KCNJ6: variants seen among roughly 807,000 people sequenced by gnomAD.
KCNJ6 encodes G protein-activated inward rectifier potassium channel 2.
KCNJ6 carries 9 observed loss-of-function variants against 34.2 expected under a neutral mutation model. The observed-to-expected ratio is 0.26, with a 90% CI of 0.16 to 0.46. KCNJ6 has a LOEUF of 0.46. Among genes scored for constraint, KCNJ6 ranks in the 20% least tolerant of loss-of-function variants. KCNJ6 has a pLI of 1.00. For synonymous variants in KCNJ6, 196 were observed against 207.1 expected (o/e 0.95, Z 0.46); for missense variants, 236 against 531.3 (o/e 0.44, Z 5.46).
chr21:37,658,625 C>G (rs2123395780), intron 3 of KCNJ6, among the ~76,000 whole-genome samples: 1 of 152,302 alleles, frequency 6.6e-6, no homozygotes, highest in East Asian at 1.9e-4. Flanking sequence ...ATACTTTGCT[C>G]ACTCTCCCAA....
intron 1 of KCNJ6, among the ~76,000 whole-genome samples, chr21:37,900,647 A>G (rs2055812423): frequency 6.6e-6 from 1 of 152,134 alleles, no homozygotes; most frequent in South Asian, 2.1e-4. Context: ...GCTTGCTGAG[A>G]AGGGGCAATT....
chr21:37,689,376 A>G (rs999322368), intron 3 of KCNJ6, among the ~76,000 whole-genome samples: 3 of 152,178 alleles, frequency 2.0e-5, no homozygotes, highest in African/African-American at 7.2e-5. Flanking sequence ...TAAGCAAAGT[A>G]TATTTTCTTT....
intron 2 of KCNJ6, among the ~76,000 whole-genome samples, chr21:37,720,740 GC>G (rs1478954356): frequency 3.5e-5 from 5 of 143,716 alleles, no homozygotes. Context: ...TCGCTCTGTC[GC>G]CCAGGCCGGA....
At chr21:37,759,431 C>T (rs931089782) in intron 2 of KCNJ6, among the ~76,000 whole-genome samples, 8 of 152,218 alleles carry the variant, frequency 5.3e-5, no homozygotes, top group Non-Finnish European at 8.8e-5. Context: ...ATCCCTGTTA[C>T]AGCAGCACCT....
At chr21:37,771,618 T>C (rs569390679) in intron 2 of KCNJ6, among the ~76,000 whole-genome samples, 2 of 152,308 alleles carry the variant, frequency 1.3e-5, no homozygotes, top group South Asian at 2.1e-4. Flanking sequence ...AGAGCCCCTG[T>C]AGGTGGTCCC....
At chr21:37,653,362 G>A (rs961841141) in intron 3 of KCNJ6, among the ~76,000 whole-genome samples, 6 of 152,140 alleles carry the variant, frequency 3.9e-5, no homozygotes, top group East Asian at 1.9e-4. Context: ...AAGTTGACAC[G>A]TGAACTAGTT....
intron 1 of KCNJ6, among the ~76,000 whole-genome samples, chr21:37,912,427 C>A (rs1030117605): frequency 1.4e-4 from 22 of 152,226 alleles, no homozygotes; most frequent in Middle Eastern, 3.4e-3. Flanking sequence ...TTGACACCAC[C>A]CCCCTTTTTA....
intron 2 of KCNJ6, among the ~76,000 whole-genome samples, chr21:37,755,314 ACT>A (rs1026210068): frequency 2.6e-5 from 4 of 152,184 alleles, no homozygotes; most frequent in African/African-American, 9.7e-5. Flanking sequence ...GAAAAAAACA[ACT>A]ACACAAACAC....
chr21:37,905,172 A>G (rs2055835492), intron 1 of KCNJ6, among the ~76,000 whole-genome samples: 1 of 152,144 alleles, frequency 6.6e-6, no homozygotes, highest in East Asian at 1.9e-4. Context: ...ACACTAAAGC[A>G]GGTCCATTTT....
At chr21:37,637,711 A>C (rs1052518228) in intron 3 of KCNJ6, among the ~76,000 whole-genome samples, 1 of 152,220 alleles carries the variant, frequency 6.6e-6, no homozygotes, top group African/African-American at 2.4e-5. Flanking sequence ...CCTGACCTCC[A>C]ATATGACTGT....
intron 1 of KCNJ6, among the ~76,000 whole-genome samples, chr21:37,842,665 G>A (rs931377711): frequency 3.3e-5 from 5 of 152,200 alleles, no homozygotes; most frequent in East Asian, 1.9e-4. Flanking sequence ...ACAGCATGGC[G>A]TGGGCCAGTA....
intron 2 of KCNJ6, among the ~76,000 whole-genome samples, chr21:37,721,975 T>C (rs963320441): frequency 4.0e-5 from 6 of 149,684 alleles, no homozygotes; most frequent in Admixed American, 2.0e-4. Flanking sequence ...AGAAATAAAG[T>C]ACATCCAAAT....
At chr21:37,807,420 G>T (rs2055298820) in intron 2 of KCNJ6, among the ~76,000 whole-genome samples, 1 of 152,196 alleles carries the variant, frequency 6.6e-6, no homozygotes, top group Non-Finnish European at 1.5e-5. Context: ...TTCAAAGATG[G>T]TGAGAGATTC....
At chr21:37,641,966 C>T (rs967928825) in intron 3 of KCNJ6, among the ~76,000 whole-genome samples, 6 of 152,084 alleles carry the variant, frequency 3.9e-5, no homozygotes, top group South Asian at 2.1e-4. Flanking sequence ...AGGGAAGAGC[C>T]GAGAAGGACA....
At chr21:37,671,944 C>T (rs1743163160) in intron 3 of KCNJ6, among the ~76,000 whole-genome samples, 3 of 152,054 alleles carry the variant, frequency 2.0e-5, no homozygotes, top group South Asian at 2.1e-4. Flanking sequence ...TATTGGCTCT[C>T]GTAGTATTTT....
intron 3 of KCNJ6, among the ~76,000 whole-genome samples, chr21:37,657,282 G>C (rs2054468581): frequency 6.6e-6 from 1 of 152,194 alleles, no homozygotes; most frequent in African/African-American, 2.4e-5. Flanking sequence ...GCTGGTTGGG[G>C]TGAACCTACA....
chr21:37,627,693 A>G (rs1033192855), intron 3 of KCNJ6, among the ~76,000 whole-genome samples: 1 of 152,232 alleles, frequency 6.6e-6, no homozygotes, highest in African/African-American at 2.4e-5. Context: ...CTGAGAAACT[A>G]GAAGACCACA....
chr21:37,669,638 TA>T, intron 3 of KCNJ6, among the ~76,000 whole-genome samples: 1 of 152,098 alleles, frequency 6.6e-6, no homozygotes, highest in East Asian at 1.9e-4. Flanking sequence ...AATGCAGGGA[TA>T]AAAACAACAA....
Position 37,713,276 on chromosome 21 carries a change from C to T in KCNJ6, c.946+935G>A, listed in dbSNP as rs954883533. The stretch of plus-strand genomic sequence containing the variant: ...GAATCTCAAGCTGAAGACTTAAAAG[C>T]GTAAAAGGGCTGATGGTATCAGGAA... On this transcript the variant is annotated intron_variant, in intron 3 of 3. Transcript: ENST00000609713. 5.7e-4 allele frequency among the ~76,000 whole-genome samples: 86 copies of T among 152,034 alleles called. 1 individual carries two copies. The highest frequency in any genetic ancestry group is 1.9e-3 in the African/African-American group (79 of 41,392).
Sources: allele counts gnomAD v4.1 joint callset (sites outside exome capture counted in the v4.1 genomes callset), GRCh38; gene constraint gnomAD v4.1.1; transcripts MANE v1.5; gene names NCBI Gene and HGNC (gene_info 2026-07-23, HGNC 2026-07-21).